Variants in ABCA13 observed in about 807,000 individuals in gnomAD.
The protein encoded by ABCA13 is ATP-binding cassette sub-family A member 13.
Under a neutral mutation model 478.7 loss-of-function variants are expected in ABCA13, and 476 were observed. That is an observed-to-expected ratio of 0.99 (90% CI 0.92 to 1.07). The LOEUF (loss-of-function observed/expected upper bound fraction) is 1.07, where lower values mean the gene tolerates loss of function less well. ABCA13 is among the 50% of genes least tolerant of loss of function. ABCA13 has a pLI of 0.00. For missense variants in ABCA13, 6,060 were observed against 5,910.6 expected, an observed-to-expected ratio of 1.03 and a Z score of -0.83; for synonymous variants, 2,252 against 2,158.9, an observed-to-expected ratio of 1.04 and a Z score of -1.20.
At chr7:48,290,086 C>G (rs764438320) in intron 20 of ABCA13, among the ~76,000 whole-genome samples, 2 of 152,168 alleles carry the variant, frequency 1.3e-5, no homozygotes, top group Non-Finnish European at 2.9e-5. Flanking sequence ...GAGAAAGTTT[C>G]AGCTGATTGA....
intron 3 of ABCA13, among the ~76,000 whole-genome samples, chr7:48,218,952 C>T (rs2128961342): frequency 6.6e-6 from 1 of 152,322 alleles, no homozygotes; most frequent in Non-Finnish European, 1.5e-5. Context: ...AATTAAAAAA[C>T]TAAAACATTC....
intron 42 of ABCA13, among the ~76,000 whole-genome samples, chr7:48,448,492 C>T (rs536219756): frequency 6.6e-6 from 1 of 152,272 alleles, no homozygotes; most frequent in South Asian, 2.1e-4. Flanking sequence ...AAGGTATGAC[C>T]TTATTCACAA....
Position 48,276,501 on chromosome 7 carries a change from GA to G in ABCA13, c.6836del (p.Asp2279ValfsTer10). On this transcript the variant is annotated frameshift_variant, in exon 17 of 62. Transcript: ENST00000435803. LOFTEE classifies it high-confidence loss of function. Reference protein sequence around the residue: ...KTFFSLFLKEDSENKISLLLK... With the variant: ...KTFFSLFLKEXSENKISLLLK... ...ATTCTTCTCCCTTTTTCTAAAGGAA[GA>G]TTCTGAGAACAAAATATCTCTTCTG... 1 of 1,610,016 alleles carries G rather than the reference GA, an allele frequency of 6.2e-7. No homozygotes were observed. Among genetic ancestry groups the G allele is most frequent in the Non-Finnish European group, 8.5e-7 (1 of 1,178,890 alleles).
At chr7:48,491,684 A>G (rs1352503471) in intron 48 of ABCA13, among the ~76,000 whole-genome samples, 1 of 152,238 alleles carries the variant, frequency 6.6e-6, no homozygotes, top group African/African-American at 2.4e-5. Flanking sequence ...TACAATACAT[A>G]GCACCACAGG....
At chr7:48,226,490 A>G (rs1788227386) in intron 5 of ABCA13, among the ~76,000 whole-genome samples, 1 of 152,296 alleles carries the variant, frequency 6.6e-6, no homozygotes, top group African/African-American at 2.4e-5. Flanking sequence ...TTTTAACTCT[A>G]TCTCATCTGA....
At chr7:48,486,761 G>A (rs2885484) in intron 47 of ABCA13, among the ~76,000 whole-genome samples, 20,895 of 152,132 alleles carry the variant, frequency 0.14, 1,848 homozygotes, top group African/African-American at 0.23. Flanking sequence ...ATCTTGGCCA[G>A]GAATGAACAT....
chr7:48,327,905 T>G (rs1425149140), intron 27 of ABCA13, among the ~76,000 whole-genome samples: 1 of 152,228 alleles, frequency 6.6e-6, no homozygotes, highest in Non-Finnish European at 1.5e-5. Flanking sequence ...AAGATATTTA[T>G]TTGTTTGTAA....
Position 48,449,340 on chromosome 7 carries a change from T to C in ABCA13, c.12566-5697T>C, listed in dbSNP as rs868813368. On this transcript the variant is annotated intron_variant, in intron 42 of 61. Coordinates refer to ENST00000435803, the MANE Select transcript of ABCA13 (RefSeq NM_152701.5). ...TCTCCTCTTCCCTTTTCTATTCTTC[T>C]TTAAAAATAAGATGTTTGATTTTAT... 2.4e-4 allele frequency among the ~76,000 whole-genome samples: 37 copies of C among 152,292 alleles called. No individual in the cohort carries two copies. In the South Asian group the frequency reaches 4.8e-3, roughly 20 times the overall value.
chr7:48,482,408 G>T (rs952356512), intron 46 of ABCA13, among the ~76,000 whole-genome samples: 84 of 151,328 alleles, frequency 5.6e-4, no homozygotes, highest in African/African-American at 2.0e-3. Flanking sequence ...TTGAAATGGA[G>T]TCTTGCTCTG....
intron 5 of ABCA13, among the ~76,000 whole-genome samples, chr7:48,223,855 A>T (rs560432696): frequency 2.1e-4 from 31 of 150,882 alleles, no homozygotes; most frequent in African/African-American, 7.5e-4. Context: ...GCTACTCGAG[A>T]GGCTGAGGCA....
At chr7:48,307,750 G>A (rs1255214233) in intron 23 of ABCA13, among the ~76,000 whole-genome samples, 1 of 151,782 alleles carries the variant, frequency 6.6e-6, no homozygotes. Context: ...GCACAATCTC[G>A]GCTCACTGTG....
intron 43 of ABCA13, 86 bp downstream of exon 43, chr7:48,455,372 G>T (rs916288050): frequency 1.4e-6 from 2 of 1,436,980 alleles, no homozygotes; most frequent in African/African-American, 1.4e-5. Context: ...GAGAATTCTA[G>T]ATAAAAACTG....
chr7:48,465,493 A>G (rs949816281), intron 43 of ABCA13, among the ~76,000 whole-genome samples: 15 of 147,616 alleles, frequency 1.0e-4, no homozygotes, highest in Non-Finnish European at 1.6e-4. Flanking sequence ...GTGGTTACAG[A>G]TTGCTCTGTG....
chr7:48,192,710 A>C (rs147958999), intron 1 of ABCA13, among the ~76,000 whole-genome samples: 39,237 of 152,070 alleles, frequency 0.26, 5,501 homozygotes, highest in East Asian at 0.49. Flanking sequence ...ATAAGTTCTG[A>C]AATAAATAAA....
intron 38 of ABCA13, among the ~76,000 whole-genome samples, chr7:48,394,508 C>T (rs564882385): frequency 6.6e-6 from 1 of 152,160 alleles, no homozygotes; most frequent in African/African-American, 2.4e-5. Flanking sequence ...CTCCTGAGTC[C>T]CCTCTATTTC....
In ABCA13 at chr7:48,492,627, A is replaced by G. The variant is rs547168156; in HGVS notation, c.13291+3283A>G. 5.1e-4 allele frequency among the ~76,000 whole-genome samples: 78 copies of G among 152,298 alleles called. 2 individuals carry two copies. In the South Asian group the frequency reaches 0.013, roughly 25 times the overall value. ...ATGAGGCCTCCTCTGTCATGAATGA[A>G]TTAATGTCAGTGTCTCAGGAGTGGG... On this transcript the variant is annotated intron_variant, in intron 48 of 61. Coordinates refer to ENST00000435803, the MANE Select transcript of ABCA13 (RefSeq NM_152701.5).
At chr7:48,242,651 C>T (rs1584398870) in intron 10 of ABCA13, among the ~76,000 whole-genome samples, 1 of 152,136 alleles carries the variant, frequency 6.6e-6, no homozygotes, top group East Asian at 1.9e-4. Flanking sequence ...ATTGGCCAGG[C>T]TGGTCTTGAA....
At position 48,274,984 on chromosome 7, in the gene ABCA13, A is replaced by G; in HGVS notation, c.5318A>G (p.Tyr1773Cys). The G allele has an allele frequency of 6.2e-7, 1 of 1,613,888 alleles. No homozygotes were observed. Among genetic ancestry groups the G allele is most frequent in the South Asian group, 1.1e-5 (1 of 91,080 alleles). ...KNITEGLKDV[Y>C]SFTLLHGITI... ...ATCACTGAAGGCCTCAAGGATGTCT[A>G]CAGCTTCACACTCCTTCATGGCATA... Residue 1773 changes from tyrosine to cysteine, a missense_variant, in exon 17 of 62, where the codon TAC becomes TGC. Tyr to Cys is a radical substitution (Grantham distance 194, BLOSUM62 -2). Around this residue, in one of 3 missense-constraint regions of ABCA13, gnomAD observed 4,423 missense variants for 4,309.1 expected, o/e 1.03. Coordinates refer to ENST00000435803, the MANE Select transcript of ABCA13 (RefSeq NM_152701.5).
chr7:48,176,003 A>G (rs1304040354), intron 1 of ABCA13, among the ~76,000 whole-genome samples: 1 of 152,214 alleles, frequency 6.6e-6, no homozygotes, highest in East Asian at 1.9e-4. Context: ...TGAACAGAGC[A>G]GCTGAGCCTG....
Sources: allele counts gnomAD v4.1 joint callset (sites outside exome capture counted in the v4.1 genomes callset), GRCh38; gene constraint gnomAD v4.1.1; regional missense constraint gnomAD v4.1.1; transcripts MANE v1.5; gene names NCBI Gene and HGNC (gene_info 2026-07-23, HGNC 2026-07-21).